NCOA7: variants seen among roughly 807,000 people sequenced by gnomAD.
NCOA7 encodes the protein 140 kDa estrogen receptor-associated protein.
In NCOA7, 45 loss-of-function variants were observed where a neutral mutation model predicts 104.3. The ratio of observed to expected loss-of-function variants is 0.43; its 90% confidence interval spans 0.34 to 0.55. The LOEUF is 0.55. NCOA7 is among the 20% of genes least tolerant of loss of function. NCOA7 has a pLI of 0.02. For missense variants in NCOA7, 1,041 were observed against 1,119.7 expected (o/e 0.93, Z 1.00); for synonymous variants, 398 against 402.3 (o/e 0.99, Z 0.13).
At chr6:125,796,482 C>A (rs1189517001) in intron 1 of NCOA7, among the ~76,000 whole-genome samples, 1 of 151,796 alleles carries the variant, frequency 6.6e-6, no homozygotes, top group Non-Finnish European at 1.5e-5. Context: ...TGGATATAAT[C>A]TATGCACATC....
intron 7 of NCOA7, 85 bp from the exon 8 acceptor site, chr6:125,885,074 G>A (rs1688421415): frequency 7.2e-7 from 1 of 1,383,316 alleles, no homozygotes; most frequent in Non-Finnish European, 1.0e-6. Context: ...CCATGGAGTG[G>A]CCATCTGAGT....
At chr6:125,919,285 G>C in intron 11 of NCOA7, 2 of 1,612,326 alleles carry the variant, frequency 1.2e-6, no homozygotes, top group Non-Finnish European at 1.7e-6. Flanking sequence ...ACAAGTAACT[G>C]TGGTGTGGAA....
intron 1 of NCOA7, among the ~76,000 whole-genome samples, chr6:125,797,342 A>G (rs1775435209): frequency 2.0e-5 from 3 of 152,224 alleles, no homozygotes; most frequent in African/African-American, 4.8e-5. Flanking sequence ...TTTATTGCAA[A>G]GTACCTGGCA....
intron 1 of NCOA7, chr6:125,810,437 A>G (rs2128564056): frequency 6.6e-6 from 1 of 152,160 alleles, no homozygotes; most frequent in East Asian, 1.9e-4. Context: ...AAAAAAAAAT[A>G]TTTAGATGGA....
chr6:125,831,394 G>A (rs1485688448), intron 2 of NCOA7, among the ~76,000 whole-genome samples: 1 of 152,014 alleles, frequency 6.6e-6, no homozygotes, highest in Non-Finnish European at 1.5e-5. Context: ...TGATTAATGA[G>A]CTATCAGTTT....
At chr6:125,831,374 TA>T (rs1041437307) in intron 2 of NCOA7, among the ~76,000 whole-genome samples, 8 of 152,200 alleles carry the variant, frequency 5.3e-5, no homozygotes. Context: ...TATCTTCAGG[TA>T]ATCACAAATG....
At chr6:125,790,586 G>A (rs917658127), upstream of NCOA7, among the ~76,000 whole-genome samples, 14 of 151,482 alleles carry the variant, frequency 9.2e-5, no homozygotes, top group African/African-American at 3.4e-4. Context: ...GGGGCGGGGA[G>A]GATGCCGCAA....
At chr6:125,855,376 T>G in intron 3 of NCOA7, 136 bp downstream of exon 3, 1 of 647,320 alleles carries the variant, frequency 1.5e-6, no homozygotes, top group Non-Finnish European at 2.6e-6. Flanking sequence ...GGCCCTTGCT[T>G]TACATACATA....
At chr6:125,793,691 A>C (rs1039881716) in intron 1 of NCOA7, among the ~76,000 whole-genome samples, 8 of 152,182 alleles carry the variant, frequency 5.3e-5, no homozygotes, top group Admixed American at 2.0e-4. Context: ...TATTGTTTTT[A>C]AAATCCCAGC....
In NCOA7 at chr6:125,874,966, A is replaced by G; in HGVS notation, c.349A>G (p.Thr117Ala). 6.2e-7 allele frequency: 1 copy of G among 1,609,088 alleles called. No homozygotes were observed. Among genetic ancestry groups the G allele is most frequent in the Non-Finnish European group, 8.5e-7 (1 of 1,175,584 alleles). ...GAAGCCCCATGGGACTATGGAATAC[A>G]CTGTGAGTATAACCAAGGTGGTATA... ...VQKPHGTMEY[T>A]AGNQDTLNSI... is the part of the protein sequence containing the mutation. The change falls in exon 4 of 16, where the codon ACT becomes GCT. Residue 117 changes from threonine to alanine, a missense_variant and splice_region_variant. Coordinates refer to ENST00000392477, the MANE Select transcript of NCOA7 (RefSeq NM_181782.5).
upstream of NCOA7, chr6:125,786,165 C>A (rs1014413738): frequency 1.3e-5 from 2 of 152,180 alleles, no homozygotes; most frequent in South Asian, 4.1e-4. Flanking sequence ...TATCCCTCCA[C>A]ACATGATCAT....
chr6:125,786,410 GA>G (rs1356478349), upstream of NCOA7, among the ~76,000 whole-genome samples: 4 of 152,078 alleles, frequency 2.6e-5, no homozygotes, highest in African/African-American at 9.7e-5. Context: ...AACCAGTTTT[GA>G]AACTACACTC....
Position 125,885,170 on chromosome 6 carries a change from C to A in NCOA7, c.711C>A (p.Gly237=). ...RYFTDGKGVV[G]GVMIVTPNNI... ...GCTTTCTCCTGCAGGGTGTGGTTGGCGGTGTTATGATAGTGACTCCTAACA... is the reference window on the plus strand; with the variant it reads ...GCTTTCTCCTGCAGGGTGTGGTTGGAGGTGTTATGATAGTGACTCCTAACA... Residue 237 remains glycine (G), a synonymous_variant, in exon 8 of 16, where the codon GGC becomes GGA. Transcript: ENST00000392477. 2 of 1,613,720 alleles carry A rather than the reference C, an allele frequency of 1.2e-6. No individual in the cohort carries two copies. Among genetic ancestry groups the A allele is most frequent in the Admixed American group, 1.7e-5 (1 of 59,994 alleles).
intron 3 of NCOA7, among the ~76,000 whole-genome samples, chr6:125,865,710 C>T (rs1277398181): frequency 1.5e-5 from 2 of 137,046 alleles, no homozygotes; most frequent in Non-Finnish European, 3.1e-5. Context: ...GTTGTCCAGG[C>T]TGGAGTGTAG....
intron 9 of NCOA7, among the ~76,000 whole-genome samples, chr6:125,890,375 C>G (rs1007203028): frequency 6.6e-6 from 1 of 152,108 alleles, no homozygotes; most frequent in Non-Finnish European, 1.5e-5. Flanking sequence ...TGTCCCAATT[C>G]TCTATTATTT....
intron 2 of NCOA7, among the ~76,000 whole-genome samples, chr6:125,847,130 TAAA>T (rs1032040723): frequency 1.3e-5 from 2 of 152,222 alleles, no homozygotes; most frequent in African/African-American, 4.8e-5. Context: ...GAGAACATAA[TAAA>T]AAGTATTTGT....
chr6:125,820,231 G>A (rs1237293114), intron 2 of NCOA7, among the ~76,000 whole-genome samples: 2 of 152,174 alleles, frequency 1.3e-5, no homozygotes, highest in Non-Finnish European at 2.9e-5. Context: ...CCCATCTCCA[G>A]CCTCTGCCCT....
rs1297635814 is a variant in NCOA7, at chr6:125,881,139, C to T, written c.509C>T (p.Ser170Leu). Residue 170 changes from serine to leucine, a missense_variant, in exon 6 of 16, where the codon TCA (serine) becomes TTA (leucine). This residue lies in a region of NCOA7 where 914 missense variants were observed against 942.7 expected (regional missense o/e 0.97). Transcript: ENST00000392477. Reference sequence around the variant, plus strand: ...TCTCCTTCCAGTACCTTAAGGCTATCATCATCCAGTCCTGGTGCTACTGTC... The same window carrying T: ...TCTCCTTCCAGTACCTTAAGGCTATTATCATCCAGTCCTGGTGCTACTGTC... ...ANSPSSTLRL[S>L]SSSPGATVSP... 2.5e-6 allele frequency: 4 copies of T among 1,614,024 alleles called. No homozygotes were observed. Among genetic ancestry groups the T allele is most frequent in the Non-Finnish European group, 3.4e-6 (4 of 1,179,940 alleles).
chr6:125,885,162 G>A lies in NCOA7; in HGVS notation c.703G>A (p.Val235Met). 1 of 1,613,944 alleles carries A rather than the reference G, an allele frequency of 6.2e-7. No homozygotes were observed. Among genetic ancestry groups the A allele is most frequent in the Non-Finnish European group, 8.5e-7 (1 of 1,179,872 alleles). Residue 235 changes from valine to methionine, a missense_variant, in exon 8 of 16, where the codon GTG becomes ATG. This residue lies in a region of NCOA7 where 914 missense variants were observed against 942.7 expected (regional missense o/e 0.97). Transcript: ENST00000392477. ...GTCCTGTTGCTTTCTCCTGCAGGGTGTGGTTGGCGGTGTTATGATAGTGAC... is the reference window on the plus strand; with the variant it reads ...GTCCTGTTGCTTTCTCCTGCAGGGTATGGTTGGCGGTGTTATGATAGTGAC... ...NCRYFTDGKGVVGGVMIVTPN... is the reference protein window; with the variant it reads ...NCRYFTDGKGMVGGVMIVTPN...
Sources: gnomAD v4.1 joint callset for allele counts (sites outside exome capture counted in the v4.1 genomes callset) on GRCh38, gnomAD v4.1.1 for gene constraint, gnomAD v4.1.1 regional missense constraint, MANE v1.5 for transcripts, NCBI Gene and HGNC (gene_info 2026-07-23, HGNC 2026-07-21) for gene names.